PLCL1: variants seen among roughly 807,000 people sequenced by gnomAD.
PLCL1 encodes inactive phospholipase C-like protein 1.
Under a neutral mutation model 84.4 loss-of-function variants are expected in PLCL1, and 41 were observed. The ratio of observed to expected loss-of-function variants is 0.49; its 90% CI spans 0.38 to 0.63. The LOEUF is 0.63. Ranked by LOEUF, PLCL1 falls within the 30% of genes least tolerant of loss-of-function variation. The pLI is 0.00. For synonymous variants in PLCL1, 490 were observed against 488.3 expected (o/e 1.00, Z -0.05); for missense variants, 1,206 against 1,367.8 (o/e 0.88, Z 1.87).
intron 1 of PLCL1, among the ~76,000 whole-genome samples, chr2:197,887,728 C>T (rs375900472): frequency 1.3e-5 from 2 of 152,144 alleles, no homozygotes; most frequent in South Asian, 2.1e-4. Context: ...TCTCATGCCT[C>T]ATTCCCTCCC....
chr2:198,107,314 T>C (rs1179099359), intron 5 of PLCL1, among the ~76,000 whole-genome samples: 1 of 151,870 alleles, frequency 6.6e-6, no homozygotes, highest in Non-Finnish European at 1.5e-5. Context: ...ACGTGGGGAT[T>C]GTGGGAACAA....
Position 197,850,031 on chromosome 2 carries a change from GACACACACACACACAC to G in PLCL1, c.240+44725_240+44740del, listed in dbSNP as rs5837563. Among the ~76,000 whole-genome samples, 329 of 135,034 alleles carry G rather than the reference GACACACACACACACAC, an allele frequency of 2.4e-3. 1 individual carries two copies. The highest frequency in any genetic ancestry group is 7.9e-3 in the African/African-American group (291 of 36,966). The allele number at this position is 135,034 out of a possible 152,430, so 88.6% of individuals were successfully genotyped here. On this transcript the variant is annotated intron_variant, in intron 1 of 5. Coordinates refer to ENST00000428675, the MANE Select transcript of PLCL1 (RefSeq NM_006226.4). ...ACACACAGACACACAGACACACACAGACACACACACACACACACACACACACACACACACACACACA... is the reference window on the plus strand; with the variant it reads ...ACACACAGACACACAGACACACACAGACACACACACACACACACACACACA...
In PLCL1 at chr2:197,911,530, A is replaced by C. The variant is rs574479805; in HGVS notation, c.240+106191A>C. Among the ~76,000 whole-genome samples the C allele has an allele frequency of 2.0e-4, 31 of 152,308 alleles. No individual in the cohort carries two copies. The South Asian group carries it at 6.2e-3, about 31-fold the overall frequency. ...TGGTTTAAATATTAATTAGAACTGC[A>C]TAAAATATTGTACTTTATTTACCTT... is the stretch of plus-strand genomic sequence containing the variant. On this transcript the variant is annotated intron_variant, in intron 1 of 5. Transcript: ENST00000428675.
In PLCL1 at chr2:198,016,137, G is replaced by A. The variant is rs13393153; in HGVS notation, c.241-67621G>A. Among the ~76,000 whole-genome samples, 317 of 152,254 alleles carry A rather than the reference G, an allele frequency of 2.1e-3. 3 individuals carry two copies. The highest frequency in any genetic ancestry group is 7.4e-3 in the African/African-American group (309 of 41,540). Reference sequence around the variant, plus strand: ...ACTCAGTGGGGAGGTAGATGTGGCTGAGGAGGGACAGATGAATGGATCTAG... The same window carrying A: ...ACTCAGTGGGGAGGTAGATGTGGCTAAGGAGGGACAGATGAATGGATCTAG... On this transcript the variant is annotated intron_variant, in intron 1 of 5. Coordinates refer to ENST00000428675, the MANE Select transcript of PLCL1 (RefSeq NM_006226.4).
In PLCL1 at chr2:197,853,660, T is replaced by C. The variant is rs576510289; in HGVS notation, c.240+48321T>C. The stretch of plus-strand genomic sequence containing the variant: ...TCACTGCCTCTGCTCTTGCTGTCTC[T>C]CTGTTTGTAATGGCCTTTCTTACCT... On this transcript the variant is annotated intron_variant, in intron 1 of 5. Coordinates refer to ENST00000428675, the MANE Select transcript of PLCL1 (RefSeq NM_006226.4). 5.3e-5 allele frequency among the ~76,000 whole-genome samples: 8 copies of C among 152,256 alleles called. 1 individual carries two copies. Among genetic ancestry groups the C allele is most frequent in the African/African-American group, 1.9e-4 (8 of 41,550 alleles).
intron 5 of PLCL1, among the ~76,000 whole-genome samples, chr2:198,110,286 C>T (rs1012379446): frequency 6.6e-6 from 1 of 151,828 alleles, no homozygotes; most frequent in Non-Finnish European, 1.5e-5. Context: ...CTTTTTATCA[C>T]TACTTAAGCC....
At chr2:198,112,533 C>T (rs1693647177) in intron 5 of PLCL1, among the ~76,000 whole-genome samples, 1 of 151,876 alleles carries the variant, frequency 6.6e-6, no homozygotes, top group Admixed American at 6.6e-5. Flanking sequence ...CATGCCCCCT[C>T]CTCCACAGCC....
chr2:198,084,882 C>T lies in PLCL1; in HGVS notation c.1365C>T (p.Ile455=). The T allele has an allele frequency of 1.2e-6, 2 of 1,613,916 alleles. No individual in the cohort carries two copies. Among genetic ancestry groups the T allele is most frequent in the Non-Finnish European group, 1.7e-6 (2 of 1,179,922 alleles). The change falls in exon 2 of 6, where the codon ATC becomes ATT. Residue 455 remains isoleucine (I), a synonymous_variant. Coordinates refer to ENST00000428675, the MANE Select transcript of PLCL1 (RefSeq NM_006226.4). ...GTGATGGTTCAGATAATGAACCAAT[C>T]CTTTGTAATCGAAATAACATGACAA... The part of the protein sequence containing the change: ...DVSDGSDNEP[I]LCNRNNMTTH...
intron 1 of PLCL1, among the ~76,000 whole-genome samples, chr2:197,994,312 A>G (rs575803822): frequency 6.6e-6 from 1 of 152,320 alleles, no homozygotes; most frequent in Non-Finnish European, 1.5e-5. Context: ...ACTGTGAAAT[A>G]TGCTGGCTAT....
At chr2:197,897,607 AATAAG>A (rs1688180164) in intron 1 of PLCL1, among the ~76,000 whole-genome samples, 1 of 152,210 alleles carries the variant, frequency 6.6e-6, no homozygotes. Context: ...TGCTTTAATT[AATAAG>A]ATATTTATTT....
At chr2:197,836,446 C>T (rs993681239) in intron 1 of PLCL1, among the ~76,000 whole-genome samples, 1 of 34,534 alleles carries the variant, frequency 2.9e-5, no homozygotes, top group African/African-American at 1.0e-4. Flanking sequence ...GACTCCGTCT[C>T]AAAAAAAAAA....
chr2:197,929,411 C>G (rs1688892684), intron 1 of PLCL1, among the ~76,000 whole-genome samples: 2 of 152,142 alleles, frequency 1.3e-5, no homozygotes, highest in African/African-American at 4.8e-5. Flanking sequence ...TGTTTCCACT[C>G]TTTGTTTGGT....
At chr2:198,063,776 C>G (rs1275691832) in intron 1 of PLCL1, among the ~76,000 whole-genome samples, 2 of 152,170 alleles carry the variant, frequency 1.3e-5, no homozygotes, top group Non-Finnish European at 2.9e-5. Flanking sequence ...GTTCCATCAG[C>G]TTTTCATGGG....
At chr2:198,070,150 T>C (rs1184670173) in intron 1 of PLCL1, among the ~76,000 whole-genome samples, 2 of 152,186 alleles carry the variant, frequency 1.3e-5, no homozygotes. Flanking sequence ...ATAGTATGTA[T>C]GCTCTGAAAG....
intron 1 of PLCL1, among the ~76,000 whole-genome samples, chr2:197,825,045 G>A (rs1303357772): frequency 1.3e-5 from 2 of 152,054 alleles, no homozygotes; most frequent in Non-Finnish European, 2.9e-5. Flanking sequence ...CTGAAAATCA[G>A]AGGTGTCTCT....
At chr2:197,923,842 C>T (rs1356075795) in intron 1 of PLCL1, among the ~76,000 whole-genome samples, 11 of 151,464 alleles carry the variant, frequency 7.3e-5, no homozygotes, top group South Asian at 2.1e-4. Flanking sequence ...GCCGAGATCA[C>T]GCCATTGCAC....
intron 1 of PLCL1, among the ~76,000 whole-genome samples, chr2:198,061,611 A>ATTATTC (rs1246904565): frequency 6.6e-6 from 1 of 151,398 alleles, no homozygotes; most frequent in Non-Finnish European, 1.5e-5. Context: ...TATTATTATT[A>ATTATTC]TTATTTTGAG....
At position 197,906,789 on chromosome 2, in the gene PLCL1, G is replaced by A. The variant is rs572408693; in HGVS notation, c.240+101450G>A. Among the ~76,000 whole-genome samples the A allele has an allele frequency of 2.6e-5, 4 of 152,288 alleles. No individual in the cohort carries two copies. In the South Asian group the frequency reaches 6.2e-4, roughly 24 times the overall value. On this transcript the variant is annotated intron_variant, in intron 1 of 5. Transcript: ENST00000428675. ...AAGAGGTCCTTCACATCCCTTGTAA[G>A]TTGTATTCCTGGGTATTTTTATTCT...
chr2:198,108,333 C>T (rs1012384171), intron 5 of PLCL1, among the ~76,000 whole-genome samples: 1 of 151,752 alleles, frequency 6.6e-6, no homozygotes, highest in Non-Finnish European at 1.5e-5. Context: ...ACTAGTATTC[C>T]CTACTATCTA....
Sources: gnomAD v4.1 joint callset for allele counts (sites outside exome capture counted in the v4.1 genomes callset) on GRCh38, gnomAD v4.1.1 for gene constraint, MANE v1.5 for transcripts, NCBI Gene and HGNC (gene_info 2026-07-23, HGNC 2026-07-21) for gene names.